Variants in ARHGAP26 observed in about 807,000 individuals in gnomAD.
The protein encoded by ARHGAP26 is Rho GTPase activating protein 26.
In ARHGAP26, 38 loss-of-function variants were observed where a neutral mutation model predicts 104.8. The observed-to-expected ratio is 0.36, with a 90% CI of 0.28 to 0.48. ARHGAP26 has a LOEUF of 0.48. Among genes scored for constraint, ARHGAP26 ranks in the 20% least tolerant of loss-of-function variants. The pLI is 0.99. For missense variants in ARHGAP26, 704 were observed against 947.9 expected, an observed-to-expected ratio of 0.74 and a Z score of 3.38; for synonymous variants, 341 against 340.0, an observed-to-expected ratio of 1.00 and a Z score of -0.03.
intron 1 of ARHGAP26, among the ~76,000 whole-genome samples, chr5:142,819,678 T>A (rs1765752032): frequency 6.6e-6 from 1 of 152,194 alleles, no homozygotes. Flanking sequence ...TGACACAATG[T>A]TTTATACTGA....
chr5:143,054,312 A>G (rs75093635), intron 14 of ARHGAP26, 127 bp from the exon 15 acceptor site: 1 of 585,178 alleles, frequency 1.7e-6, no homozygotes, highest in African/African-American at 1.9e-5. Flanking sequence ...AGGTAAAAAA[A>G]ATACTTGTCA....
intron 11 of ARHGAP26, among the ~76,000 whole-genome samples, chr5:142,969,174 C>G (rs1236178616): frequency 6.6e-6 from 1 of 152,192 alleles, no homozygotes; most frequent in Non-Finnish European, 1.5e-5. Context: ...CTCCTGTGCT[C>G]AAGCAATCTG....
At position 143,223,376 on chromosome 5, in the gene ARHGAP26, A is replaced by G. The variant is rs1432889723; in HGVS notation, c.*930A>G. On this transcript the variant is annotated 3_prime_UTR_variant, in exon 23 of 23. Coordinates refer to ENST00000645722, the MANE Select transcript of ARHGAP26 (RefSeq NM_001135608.3). The stretch of plus-strand genomic sequence containing the variant: ...TGATTAATTTCAGCAGCATCGGAAT[A>G]TATTTGGAGCACACCCTAGTAACCT... The G allele has an allele frequency of 8.6e-6, 2 of 232,720 alleles. No individual in the cohort carries two copies. The highest frequency in any genetic ancestry group is 2.2e-5 in the African/African-American group (1 of 45,298). 14.4% of individuals were successfully genotyped at this position (232,720 alleles called of 1,614,324 possible). A position where few individuals can be genotyped will look rare whatever the true frequency, so the allele number is the denominator to read the frequency against.
chr5:143,149,822 A>G (rs1799599701), intron 20 of ARHGAP26, among the ~76,000 whole-genome samples: 1 of 152,178 alleles, frequency 6.6e-6, no homozygotes, highest in African/African-American at 2.4e-5. Flanking sequence ...TTAATTATGC[A>G]TGAGGTAGGG....
rs150028606 is a variant in ARHGAP26 at position 143,216,615 on chromosome 5, A to G, written c.2191+2527A>G. The G allele has an allele frequency of 4.1e-3, 924 of 222,756 alleles. 4 individuals are homozygous for G. Among genetic ancestry groups the G allele is most frequent in the African/African-American group, 0.02 (864 of 44,036 alleles). The allele number at this position is 222,756 out of a possible 1,614,324, so 13.8% of individuals were successfully genotyped here. ...ATCATAAATCCTATAGGTATTGTTG[A>G]GAGCAGGAGGAAAGTTTGGTTGAGT... On this transcript the variant is annotated intron_variant, in intron 22 of 22. Coordinates refer to ENST00000645722, the MANE Select transcript of ARHGAP26 (RefSeq NM_001135608.3).
intron 5 of ARHGAP26, among the ~76,000 whole-genome samples, chr5:142,889,768 A>G (rs551940886): frequency 6.6e-6 from 1 of 152,236 alleles, no homozygotes; most frequent in South Asian, 2.1e-4. Context: ...GGCCAGGACA[A>G]TCTTCTTCAG....
intron 20 of ARHGAP26, among the ~76,000 whole-genome samples, chr5:143,206,658 C>T (rs1377873602): frequency 6.6e-6 from 1 of 152,244 alleles, no homozygotes; most frequent in Non-Finnish European, 1.5e-5. Context: ...CATCGGCTAT[C>T]ACCTTCTTCA....
chr5:143,020,202 C>A (rs1780122841), intron 12 of ARHGAP26, among the ~76,000 whole-genome samples: 1 of 152,194 alleles, frequency 6.6e-6, no homozygotes, highest in South Asian at 2.1e-4. Context: ...TCCATCTTGG[C>A]CTCCCAAAGT....
At chr5:142,924,687 A>C (rs1763659425) in intron 10 of ARHGAP26, among the ~76,000 whole-genome samples, 1 of 152,210 alleles carries the variant, frequency 6.6e-6, no homozygotes. Context: ...TTCCATGCAC[A>C]AAGGTCTTGC....
At chr5:142,978,985 A>C (rs1208573236) in intron 11 of ARHGAP26, among the ~76,000 whole-genome samples, 1 of 152,236 alleles carries the variant, frequency 6.6e-6, no homozygotes, top group Non-Finnish European at 1.5e-5. Context: ...TTTAAAACAA[A>C]AGTGACTTAA....
At chr5:143,041,930 G>A in intron 14 of ARHGAP26, 40 bp downstream of exon 14, 1 of 1,538,620 alleles carries the variant, frequency 6.5e-7, no homozygotes, top group Non-Finnish European at 8.8e-7. Flanking sequence ...GTCCCTGGAT[G>A]GGGGGCCCAC....
chr5:143,167,307 TAAAAAAAAAAA>T (rs35142931), intron 20 of ARHGAP26, among the ~76,000 whole-genome samples: 1 of 96,900 alleles, frequency 1.0e-5, no homozygotes, highest in African/African-American at 4.1e-5. Context: ...ATCTCTACTT[TAAAAAAAAAAA>T]AAAAAAAAAA....
intron 20 of ARHGAP26, among the ~76,000 whole-genome samples, chr5:143,177,573 T>C (rs1803664270): frequency 6.6e-6 from 1 of 152,080 alleles, no homozygotes; most frequent in South Asian, 2.1e-4. Context: ...AGACCAGAAG[T>C]TGGGAAAAAT....
At chr5:143,168,034 G>T (rs1470813940) in intron 20 of ARHGAP26, among the ~76,000 whole-genome samples, 1 of 152,192 alleles carries the variant, frequency 6.6e-6, no homozygotes, top group East Asian at 1.9e-4. Context: ...CTAGGCAAGA[G>T]AGATGACTTT....
At chr5:142,813,657 G>A (rs1365451784) in intron 1 of ARHGAP26, among the ~76,000 whole-genome samples, 2 of 152,112 alleles carry the variant, frequency 1.3e-5, no homozygotes, top group African/African-American at 4.8e-5. Context: ...ATCTTCACAC[G>A]GTCTTTTCTC....
intron 17 of ARHGAP26, among the ~76,000 whole-genome samples, chr5:143,061,796 C>A (rs1242861366): frequency 6.6e-6 from 1 of 152,234 alleles, no homozygotes; most frequent in African/African-American, 2.4e-5. Context: ...TAGCTCCTCG[C>A]AGAGTCCCAG....
At chr5:142,855,811 A>G (rs554248070) in intron 1 of ARHGAP26, among the ~76,000 whole-genome samples, 5 of 152,026 alleles carry the variant, frequency 3.3e-5, no homozygotes, top group Admixed American at 6.5e-5. Context: ...TGACTTATAT[A>G]CTCTCACTTG....
chr5:143,063,053 A>G (rs1018330086), intron 17 of ARHGAP26, among the ~76,000 whole-genome samples: 2 of 152,030 alleles, frequency 1.3e-5, no homozygotes, highest in African/African-American at 4.8e-5. Flanking sequence ...TGTTCTCTCT[A>G]GTAACCACTG....
rs1435887798 is a variant in ARHGAP26 at position 142,873,413 on chromosome 5, GA to G, written c.170del (p.Lys57SerfsTer8). The G allele has an allele frequency of 3.1e-6, 5 of 1,591,230 alleles. No homozygotes were observed. Among genetic ancestry groups the G allele is most frequent in the Non-Finnish European group, 4.3e-6 (5 of 1,174,090 alleles). The stretch of plus-strand genomic sequence containing the variant: ...TTTTCTTGCTAGATTTGTCTTCAGC[GA>G]AGCGGAAGTTTGCAGATTCCTTAAA... The part of the protein sequence containing the change: ...ISALKNLSSA[K>X]RKFADSLNEF... On this transcript the variant is annotated frameshift_variant, in exon 2 of 23. Transcript: ENST00000645722. LOFTEE classifies it high-confidence loss of function.
Sources: allele counts gnomAD v4.1 joint callset (sites outside exome capture counted in the v4.1 genomes callset), GRCh38; gene constraint gnomAD v4.1.1; transcripts MANE v1.5; gene names NCBI Gene and HGNC (gene_info 2026-07-23, HGNC 2026-07-21).